MAPRE2: variants seen among roughly 807,000 people sequenced by gnomAD.
The protein encoded by MAPRE2 is microtubule-associated protein RP/EB family member 2.
MAPRE2 carries 13 observed loss-of-function variants against 43.2 expected under a neutral mutation model. The observed-to-expected ratio is 0.30, with a 90% confidence interval of 0.20 to 0.48. The LOEUF is 0.48. MAPRE2 is among the 20% of genes least tolerant of loss of function. The pLI, the probability that MAPRE2 is intolerant of heterozygous loss-of-function variation, is 0.99. For missense variants in MAPRE2, 161 were observed against 400.2 expected, an observed-to-expected ratio of 0.40 and a Z score of 5.10; for synonymous variants, 135 against 148.8, an observed-to-expected ratio of 0.91 and a Z score of 0.68.
At chr18:35,129,033 G>A (rs999936866) in intron 5 of MAPRE2, among the ~76,000 whole-genome samples, 13 of 151,900 alleles carry the variant, frequency 8.6e-5, no homozygotes. Flanking sequence ...TCAGAGAACC[G>A]AGTGAGAAGA....
At chr18:35,080,266 T>A (rs1473517704) in intron 2 of MAPRE2, among the ~76,000 whole-genome samples, 1 of 152,240 alleles carries the variant, frequency 6.6e-6, no homozygotes, top group African/African-American at 2.4e-5. Flanking sequence ...AGCAGATATT[T>A]ATTGAGTACC....
At chr18:35,111,412 A>G (rs1909167579) in intron 4 of MAPRE2, among the ~76,000 whole-genome samples, 1 of 152,108 alleles carries the variant, frequency 6.6e-6, no homozygotes, top group African/African-American at 2.4e-5. Context: ...CCATCTCACA[A>G]TTGACATCTG....
At chr18:35,124,987 C>G (rs1340261392) in intron 4 of MAPRE2, among the ~76,000 whole-genome samples, 1 of 152,082 alleles carries the variant, frequency 6.6e-6, no homozygotes, top group Non-Finnish European at 1.5e-5. Context: ...TCTCTGGAAC[C>G]CTGGGGAAGC....
intron 1 of MAPRE2, among the ~76,000 whole-genome samples, chr18:34,994,590 T>C (rs1346881537): frequency 6.6e-6 from 1 of 152,144 alleles, no homozygotes; most frequent in African/African-American, 2.4e-5. Flanking sequence ...TCCCTGAAGA[T>C]AGGTATTCCC....
chr18:35,024,489 A>G (rs1186424666), intron 2 of MAPRE2, among the ~76,000 whole-genome samples: 1 of 151,970 alleles, frequency 6.6e-6, no homozygotes, highest in Non-Finnish European at 1.5e-5. Flanking sequence ...ATGCAAATGA[A>G]CCTATTTCAG....
intron 1 of MAPRE2, among the ~76,000 whole-genome samples, chr18:35,042,571 T>C (rs183691787): frequency 2.6e-5 from 4 of 152,334 alleles, no homozygotes; most frequent in African/African-American, 9.6e-5. Flanking sequence ...TAATGGAGAA[T>C]GCAGCTAGAG....
chr18:35,002,846 T>C (rs1367994932), intron 1 of MAPRE2, among the ~76,000 whole-genome samples: 1 of 152,182 alleles, frequency 6.6e-6, no homozygotes, highest in Non-Finnish European at 1.5e-5. Context: ...TTTCTTCTAG[T>C]TTATATCTTG....
At chr18:35,034,654 C>T (rs2097049537) in intron 2 of MAPRE2, among the ~76,000 whole-genome samples, 1 of 151,924 alleles carries the variant, frequency 6.6e-6, no homozygotes. Context: ...TGAACTCAAA[C>T]AAATTTACAA....
intron 1 of MAPRE2, among the ~76,000 whole-genome samples, chr18:35,052,684 G>T (rs1461691467): frequency 6.6e-6 from 1 of 152,144 alleles, no homozygotes; most frequent in Non-Finnish European, 1.5e-5. Flanking sequence ...TAGCAGCACA[G>T]TATGAGAGTT....
chr18:35,131,484 C>A (rs567496821), intron 5 of MAPRE2, among the ~76,000 whole-genome samples: 1 of 152,258 alleles, frequency 6.6e-6, no homozygotes, highest in South Asian at 2.1e-4. Context: ...AGGCCCCATT[C>A]TTCATAGATG....
intron 1 of MAPRE2, among the ~76,000 whole-genome samples, chr18:35,065,076 C>T (rs1568990084): frequency 1.3e-5 from 2 of 152,136 alleles, no homozygotes; most frequent in Non-Finnish European, 2.9e-5. Context: ...GGGCAGATGG[C>T]CTGAGGTCAG....
At chr18:35,040,722 G>C (rs1036319516), upstream of MAPRE2, among the ~76,000 whole-genome samples, 7 of 152,116 alleles carry the variant, frequency 4.6e-5, no homozygotes, top group African/African-American at 1.7e-4. Flanking sequence ...GAGGGTTTTG[G>C]GTAACTGGTA....
chr18:35,032,196 C>T (rs943199763), intron 2 of MAPRE2, among the ~76,000 whole-genome samples: 1 of 152,128 alleles, frequency 6.6e-6, no homozygotes, highest in African/African-American at 2.4e-5. Flanking sequence ...TGTCCTGAGC[C>T]AGCAGAGGTG....
intron 2 of MAPRE2, among the ~76,000 whole-genome samples, chr18:35,075,670 GT>G (rs1007458048): frequency 4.6e-5 from 7 of 151,702 alleles, no homozygotes; most frequent in African/African-American, 1.7e-4. Flanking sequence ...TTTGCTGACA[GT>G]TTTTTTCTCT....
At chr18:35,136,108 A>G (rs1910380961) in intron 6 of MAPRE2, among the ~76,000 whole-genome samples, 1 of 152,214 alleles carries the variant, frequency 6.6e-6, no homozygotes, top group Admixed American at 6.5e-5. Flanking sequence ...AGTTTTGAGC[A>G]GAAAATCAAC....
At chr18:34,980,031 CTTTTTTTTTTTTTTTT>C (rs796434537) in intron 1 of MAPRE2, among the ~76,000 whole-genome samples, 92 of 46,136 alleles carry the variant, frequency 2.0e-3, no homozygotes, top group African/African-American at 5.8e-3. Context: ...TTCTTTTTTT[CTTTTTTTTTTTTTTTT>C]TTTTTTTGAG....
upstream of MAPRE2, chr18:35,041,250 G>T: frequency 3.3e-6 from 4 of 1,220,402 alleles, no homozygotes; most frequent in Non-Finnish European, 4.3e-6. Context: ...TGGAGCTGCT[G>T]GCGTGGTCAC....
intron 1 of MAPRE2, among the ~76,000 whole-genome samples, chr18:35,000,180 C>T (rs1414232503): frequency 6.6e-6 from 1 of 152,076 alleles, no homozygotes; most frequent in Non-Finnish European, 1.5e-5. Context: ...CCAAAGACAG[C>T]TTAGTAAACT....
chr18:35,131,070 C>A (rs1910122235), intron 5 of MAPRE2, among the ~76,000 whole-genome samples: 1 of 152,228 alleles, frequency 6.6e-6, no homozygotes, highest in Admixed American at 6.5e-5. Context: ...AAAGCCCGAA[C>A]TAGAGAAATT....
Sources: gnomAD v4.1 joint callset for allele counts (sites outside exome capture counted in the v4.1 genomes callset) on GRCh38, gnomAD v4.1.1 for gene constraint, MANE v1.5 for transcripts, NCBI Gene and HGNC (gene_info 2026-07-23, HGNC 2026-07-21) for gene names.